The following SLC35F3 variants were observed in gnomAD, a reference collection of about 807,000 sequenced individuals.
The protein encoded by SLC35F3 is putative thiamine transporter SLC35F3.
SLC35F3 carries 25 observed loss-of-function variants against 49.9 expected under a neutral mutation model. The observed-to-expected ratio is 0.50, with a 90% CI of 0.37 to 0.70. The LOEUF (loss-of-function observed/expected upper bound fraction) is 0.70, where lower values mean the gene tolerates loss of function less well. SLC35F3 is among the 30% of genes least tolerant of loss of function. The probability of loss-of-function intolerance (pLI) is 0.00; values close to 1 mark genes in which losing one functional copy is unlikely to be tolerated. For missense variants in SLC35F3, 525 were observed against 639.8 expected (o/e 0.82, Z 1.94); for synonymous variants, 275 against 265.4 (o/e 1.04, Z -0.35).
At chr1:234,219,988 T>C (rs905501451) in intron 2 of SLC35F3, among the ~76,000 whole-genome samples, 2 of 151,922 alleles carry the variant, frequency 1.3e-5, no homozygotes, top group Admixed American at 1.3e-4. Flanking sequence ...GGCCAGAGCG[T>C]AGTGATCAGA....
intron 2 of SLC35F3, among the ~76,000 whole-genome samples, chr1:234,040,376 A>G (rs1359330341): frequency 6.6e-6 from 1 of 152,172 alleles, no homozygotes; most frequent in Non-Finnish European, 1.5e-5. Context: ...AAAAGGAACC[A>G]ATCAGGAGAG....
At chr1:234,250,643 G>A in intron 3 of SLC35F3, among the ~76,000 whole-genome samples, 1 of 125,656 alleles carries the variant, frequency 8.0e-6, no homozygotes, top group South Asian at 2.8e-4. Context: ...GACAGAGCGA[G>A]ACTCCGTCTC....
At position 234,166,858 on chromosome 1, in the gene SLC35F3, A is replaced by T. The variant is rs377704941; in HGVS notation, c.284-64559A>T. ...TCTCAGTTCACCGTTCTTCAGTAGC[A>T]GTTTCATGGGGTTAACTAACAGACC... is the stretch of plus-strand genomic sequence containing the variant. On this transcript the variant is annotated intron_variant, in intron 2 of 7. Coordinates refer to ENST00000366618, the MANE Select transcript of SLC35F3 (RefSeq NM_173508.4). Among the ~76,000 whole-genome samples the T allele has an allele frequency of 5.3e-5, 8 of 152,340 alleles. No individual in the cohort carries two copies. The East Asian group carries it at 1.3e-3, about 26-fold the overall frequency.
chr1:234,058,191 G>GT (rs201171597), intron 2 of SLC35F3, among the ~76,000 whole-genome samples: 38 of 148,510 alleles, frequency 2.6e-4, no homozygotes, highest in Admixed American at 3.4e-4. Flanking sequence ...TTTGCTTTGG[G>GT]TTTTTTTTTC....
intron 2 of SLC35F3, among the ~76,000 whole-genome samples, chr1:233,919,711 C>A (rs1448249251): frequency 6.6e-6 from 1 of 152,106 alleles, no homozygotes; most frequent in Non-Finnish European, 1.5e-5. Flanking sequence ...TTGCATCTTT[C>A]CCAACCAATT....
intron 2 of SLC35F3, among the ~76,000 whole-genome samples, chr1:233,986,155 G>A (rs1001563524): frequency 6.6e-6 from 1 of 152,150 alleles, no homozygotes. Flanking sequence ...TATATATGCA[G>A]TAATGTTAGC....
chr1:234,003,335 A>G (rs1663581172), intron 2 of SLC35F3, among the ~76,000 whole-genome samples: 1 of 152,180 alleles, frequency 6.6e-6, no homozygotes, highest in Non-Finnish European at 1.5e-5. Flanking sequence ...GATCACTCCC[A>G]TAGTCAGTGG....
rs550243452 is a variant in SLC35F3, at chr1:234,246,920, C to T, written c.608+15179C>T. 1.5e-3 allele frequency among the ~76,000 whole-genome samples: 228 copies of T among 152,236 alleles called. 1 individual carries two copies. The Middle Eastern group carries it at 0.02, about 14-fold the overall frequency. ...CAGATGGTGTCGGTCGGGGGTAAGG[C>T]CAGACCATGGTGCTGTCCTAGGAGC... is the stretch of plus-strand genomic sequence containing the variant. On this transcript the variant is annotated intron_variant, in intron 3 of 7. Transcript: ENST00000366618.
chr1:233,954,011 T>G (rs1045313918), intron 2 of SLC35F3, among the ~76,000 whole-genome samples: 4 of 150,946 alleles, frequency 2.6e-5, no homozygotes, highest in Non-Finnish European at 4.4e-5. Context: ...AGAGCCTCTT[T>G]TTTTTTTTTT....
chr1:233,947,926 C>T (rs182863692), intron 2 of SLC35F3, among the ~76,000 whole-genome samples: 1 of 150,188 alleles, frequency 6.7e-6, no homozygotes, highest in Admixed American at 6.6e-5. Flanking sequence ...GAGGGATTTC[C>T]ATGTCAATCT....
At chr1:234,168,225 T>A (rs946089131) in intron 2 of SLC35F3, among the ~76,000 whole-genome samples, 3 of 152,228 alleles carry the variant, frequency 2.0e-5, no homozygotes, top group Non-Finnish European at 4.4e-5. Context: ...GACTTTCAGA[T>A]GCTGTCTGAA....
At chr1:233,949,865 A>C (rs1027382710) in intron 2 of SLC35F3, among the ~76,000 whole-genome samples, 2 of 152,126 alleles carry the variant, frequency 1.3e-5, no homozygotes, top group Non-Finnish European at 2.9e-5. Flanking sequence ...CAAGAAGCCA[A>C]AGTGAGAGAC....
At chr1:234,252,869 T>TA (rs952452469) in intron 3 of SLC35F3, among the ~76,000 whole-genome samples, 11 of 152,210 alleles carry the variant, frequency 7.2e-5, no homozygotes, top group African/African-American at 2.7e-4. Flanking sequence ...GCTTTACTCC[T>TA]AGGAATTTAC....
intron 2 of SLC35F3, among the ~76,000 whole-genome samples, chr1:233,937,825 A>G (rs1017865857): frequency 6.6e-6 from 1 of 152,198 alleles, no homozygotes; most frequent in African/African-American, 2.4e-5. Flanking sequence ...AAGGATAGTC[A>G]GGGGGCAAGG....
intron 3 of SLC35F3, among the ~76,000 whole-genome samples, chr1:234,293,863 C>T (rs1271809629): frequency 6.6e-6 from 1 of 152,190 alleles, no homozygotes; most frequent in Non-Finnish European, 1.5e-5. Flanking sequence ...TAAAACTGTT[C>T]TCTTTAGGAA....
intron 2 of SLC35F3, among the ~76,000 whole-genome samples, chr1:234,065,722 GACTAC>G (rs1664607243): frequency 1.3e-5 from 2 of 152,192 alleles, no homozygotes; most frequent in Non-Finnish European, 2.9e-5. Flanking sequence ...TTTCTTGGTT[GACTAC>G]ACCTTAACCA....
intron 2 of SLC35F3, among the ~76,000 whole-genome samples, chr1:234,174,792 C>T (rs1216918788): frequency 1.3e-5 from 2 of 152,208 alleles, no homozygotes; most frequent in Non-Finnish European, 2.9e-5. Flanking sequence ...GAAACATCGT[C>T]AACAAGGTGC....
At chr1:234,112,556 CTT>C (rs777353110) in intron 2 of SLC35F3, among the ~76,000 whole-genome samples, 6 of 116,344 alleles carry the variant, frequency 5.2e-5, no homozygotes, top group African/African-American at 6.0e-5. Context: ...AATTCACACT[CTT>C]TTTTTTTTTT....
At chr1:234,057,803 T>C (rs1664477602) in intron 2 of SLC35F3, among the ~76,000 whole-genome samples, 1 of 152,090 alleles carries the variant, frequency 6.6e-6, no homozygotes, top group Non-Finnish European at 1.5e-5. Flanking sequence ...CCTCCCAGAT[T>C]GATGCAATTC....
Sources: allele counts gnomAD v4.1 joint callset (sites outside exome capture counted in the v4.1 genomes callset), GRCh38; gene constraint gnomAD v4.1.1; transcripts MANE v1.5; gene names NCBI Gene and HGNC (gene_info 2026-07-23, HGNC 2026-07-21).